TNS3: variants seen among roughly 807,000 people sequenced by gnomAD.
TNS3 encodes the protein tensin 3, also known as tensin-3.
TNS3 carries 45 observed loss-of-function variants against 140.9 expected under a neutral mutation model. That is an observed-to-expected ratio of 0.32 (90% CI 0.25 to 0.41). TNS3 has a LOEUF of 0.41. Among genes scored for constraint, TNS3 ranks in the 10% least tolerant of loss-of-function variants. The pLI is 1.00. For synonymous variants in TNS3, 815 were observed against 788.4 expected (o/e 1.03, Z -0.56); for missense variants, 1,716 against 1,906.7 (o/e 0.90, Z 1.86).
Position 47,439,786 on chromosome 7 carries a change from T to C in TNS3, c.-22-128A>G. ...TCACATCAGCACCTGGGCGGCCAGCTACGGGAATTTACAGTGTGTGCAGCC... is the reference window on the plus strand; with the variant it reads ...TCACATCAGCACCTGGGCGGCCAGCCACGGGAATTTACAGTGTGTGCAGCC... On this transcript the variant is annotated intron_variant, in intron 5 of 30. Transcript: ENST00000311160. 4 of 898,896 alleles carry C rather than the reference T, an allele frequency of 4.4e-6. No individual in the cohort carries two copies. The South Asian group carries it at 6.5e-5, about 15-fold the overall frequency. The allele number at this position is 898,896 out of a possible 1,614,324, so 55.7% of individuals were successfully genotyped here.
At chr7:47,525,646 T>C (rs939411607) in intron 2 of TNS3, among the ~76,000 whole-genome samples, 1 of 152,216 alleles carries the variant, frequency 6.6e-6, no homozygotes, top group Non-Finnish European at 1.5e-5. Context: ...TCCCTCACAA[T>C]GTGGAATATC....
In TNS3 at chr7:47,524,221, C is replaced by G. The variant is rs142335327; in HGVS notation, c.-153+4815G>C. Reference sequence around the variant, plus strand: ...CTGGCAGACCAGGCCCTTTCACGTACACCCCTCCCCGAGTCCCAGCTCTGC... The same window carrying G: ...CTGGCAGACCAGGCCCTTTCACGTAGACCCCTCCCCGAGTCCCAGCTCTGC... On this transcript the variant is annotated intron_variant, in intron 2 of 30. Coordinates refer to ENST00000311160, the MANE Select transcript of TNS3 (RefSeq NM_022748.12). Among the ~76,000 whole-genome samples the G allele has an allele frequency of 9.8e-4, 149 of 152,328 alleles. 1 individual carries two copies. The highest frequency in any genetic ancestry group is 1.7e-3 in the Non-Finnish European group (113 of 68,030).
intron 16 of TNS3, among the ~76,000 whole-genome samples, chr7:47,394,672 C>G (rs1792722451): frequency 6.6e-6 from 1 of 152,258 alleles, no homozygotes; most frequent in South Asian, 2.1e-4. Context: ...TCTATACACA[C>G]ACGCTCACAC....
chr7:47,560,872 CT>C (rs990134659), intron 1 of TNS3, among the ~76,000 whole-genome samples: 1 of 152,204 alleles, frequency 6.6e-6, no homozygotes, highest in African/African-American at 2.4e-5. Flanking sequence ...CCAAGCAACC[CT>C]GTGTGACCTT....
intron 3 of TNS3, among the ~76,000 whole-genome samples, chr7:47,484,194 C>T (rs1389826758): frequency 6.6e-6 from 1 of 152,128 alleles, no homozygotes; most frequent in Non-Finnish European, 1.5e-5. Flanking sequence ...CAGGAAAGAC[C>T]TTTTGTGGGA....
In TNS3 at chr7:47,344,827, G is replaced by A; in HGVS notation, c.2578C>T (p.Leu860=). Residue 860 remains leucine, a synonymous_variant, in exon 20 of 31, where the codon CTG becomes TTG. Coordinates refer to ENST00000311160, the MANE Select transcript of TNS3 (RefSeq NM_022748.12). ...SPETPYVKTA[L]RHPPFSPPEP... is the part of the protein sequence containing the mutation. ...GGTGGGCTGAACGGAGGATGGCGCAGCGCTGTTTTCACTGGAAAAGAAAGC... is the reference window on the plus strand; with the variant it reads ...GGTGGGCTGAACGGAGGATGGCGCAACGCTGTTTTCACTGGAAAAGAAAGC... The A allele has an allele frequency of 1.2e-6, 2 of 1,613,862 alleles. No homozygotes were observed. Among genetic ancestry groups the A allele is most frequent in the Non-Finnish European group, 1.7e-6 (2 of 1,179,968 alleles).
At chr7:47,406,859 G>A (rs1359775810) in intron 13 of TNS3, among the ~76,000 whole-genome samples, 1 of 152,170 alleles carries the variant, frequency 6.6e-6, no homozygotes, top group Non-Finnish European at 1.5e-5. Flanking sequence ...GGCACGTCAC[G>A]CAGGCACAGG....
chr7:47,318,314 T>C (rs1466319058), intron 20 of TNS3, among the ~76,000 whole-genome samples: 1 of 152,248 alleles, frequency 6.6e-6, no homozygotes, highest in African/African-American at 2.4e-5. Flanking sequence ...GATCACATTT[T>C]GTTTATCCAT....
At chr7:47,296,802 T>C (rs1253963909) in intron 24 of TNS3, among the ~76,000 whole-genome samples, 3 of 152,116 alleles carry the variant, frequency 2.0e-5, no homozygotes, top group African/African-American at 4.8e-5. Context: ...AGAGCCGAAA[T>C]GGAAGCAAAA....
chr7:47,353,984 G>C (rs891026964), intron 17 of TNS3, among the ~76,000 whole-genome samples: 53 of 122,086 alleles, frequency 4.3e-4, no homozygotes, highest in Non-Finnish European at 6.8e-4. Flanking sequence ...AACAAACACA[G>C]AGGACAAAAC....
chr7:47,341,593 A>G (rs1463193696), intron 20 of TNS3, among the ~76,000 whole-genome samples: 1 of 152,140 alleles, frequency 6.6e-6, no homozygotes, highest in Non-Finnish European at 1.5e-5. Context: ...TTCCTTCCTA[A>G]CAATAGTAAT....
intron 27 of TNS3, among the ~76,000 whole-genome samples, chr7:47,285,397 T>A (rs1307813043): frequency 6.6e-6 from 1 of 151,988 alleles, no homozygotes; most frequent in Non-Finnish European, 1.5e-5. Flanking sequence ...TGGGGGTGGG[T>A]TTTTCCCATG....
chr7:47,318,877 C>T (rs374299827), intron 20 of TNS3, among the ~76,000 whole-genome samples: 7 of 152,340 alleles, frequency 4.6e-5, no homozygotes, highest in South Asian at 2.1e-4. Context: ...GTCTTTAGTC[C>T]GCAGAATAAT....
intron 12 of TNS3, 129 bp from the exon 13 acceptor site, chr7:47,411,931 C>CT: frequency 1.2e-6 from 1 of 839,416 alleles, no homozygotes; most frequent in Non-Finnish European, 1.9e-6. Flanking sequence ...AGCCCAGAAT[C>CT]TAATTCCTGA....
At chr7:47,371,082 A>G (rs926411854) in intron 16 of TNS3, among the ~76,000 whole-genome samples, 11 of 152,212 alleles carry the variant, frequency 7.2e-5, no homozygotes, top group South Asian at 2.1e-4. Flanking sequence ...GAGTGGACAC[A>G]GGGGTATGGG....
intron 10 of TNS3, among the ~76,000 whole-genome samples, chr7:47,418,999 G>T (rs575426431): frequency 6.6e-6 from 1 of 152,230 alleles, no homozygotes; most frequent in Non-Finnish European, 1.5e-5. Flanking sequence ...AGCACCAACC[G>T]GCCAGGAAAG....
At chr7:47,323,515 C>A (rs1787864813) in intron 20 of TNS3, among the ~76,000 whole-genome samples, 1 of 152,074 alleles carries the variant, frequency 6.6e-6, no homozygotes, top group African/African-American at 2.4e-5. Context: ...TTGGAACTTC[C>A]AAAAGGAAAG....
intron 4 of TNS3, among the ~76,000 whole-genome samples, chr7:47,472,997 G>A (rs1406945443): frequency 6.6e-6 from 1 of 152,118 alleles, no homozygotes; most frequent in African/African-American, 2.4e-5. Context: ...TCTGCTGAGC[G>A]ACCTCACGCG....
At chr7:47,351,158 G>A (rs1385413452) in intron 17 of TNS3, among the ~76,000 whole-genome samples, 1 of 152,178 alleles carries the variant, frequency 6.6e-6, no homozygotes, top group African/African-American at 2.4e-5. Context: ...CTGTGCTGCT[G>A]TACTGAATTT....
Sources: gnomAD v4.1 joint callset for allele counts (sites outside exome capture counted in the v4.1 genomes callset) on GRCh38, gnomAD v4.1.1 for gene constraint, MANE v1.5 for transcripts, NCBI Gene and HGNC (gene_info 2026-07-23, HGNC 2026-07-21) for gene names.